COL4A6: variants seen among roughly 807,000 people sequenced by gnomAD.
The protein encoded by COL4A6 is collagen alpha-6(IV) chain.
COL4A6 carries 59 observed loss-of-function variants against 126.7 expected under a neutral mutation model. That is an observed-to-expected ratio of 0.47 (90% confidence interval 0.38 to 0.58). The LOEUF (loss-of-function observed/expected upper bound fraction) is 0.58, where lower values mean the gene tolerates loss of function less well. COL4A6 is among the 20% of genes least tolerant of loss of function. The pLI, the probability that COL4A6 is intolerant of heterozygous loss-of-function variation, is 0.00. For synonymous variants in COL4A6, 547 were observed against 496.6 expected (o/e 1.10, Z -1.35); for missense variants, 1,285 against 1,337.3 (o/e 0.96, Z 0.61).
intron 6 of COL4A6, 41 bp from the exon 7 acceptor site, chrX:108,211,781 T>C (rs749740035): frequency 1.8e-6 from 2 of 1,094,364 alleles, no homozygotes; most frequent in Non-Finnish European, 2.5e-6. Flanking sequence ...ATACACACAC[T>C]TACAGTCTTT....
chrX:108,320,484 T>C (rs751241038), intron 2 of COL4A6, among the ~76,000 whole-genome samples: 25 of 111,243 alleles, frequency 2.2e-4, no homozygotes, highest in African/African-American at 7.9e-4. Flanking sequence ...GACCATAGGA[T>C]CTAGGTTTCC....
chrX:108,394,203 C>T, intron 2 of COL4A6, among the ~76,000 whole-genome samples: 1 of 110,864 alleles, frequency 9.0e-6, no homozygotes, highest in Non-Finnish European at 1.9e-5. Context: ...CATGTTCTCG[C>T]TGATAAGCGG....
At chrX:108,326,752 T>A (rs1371621939) in intron 2 of COL4A6, among the ~76,000 whole-genome samples, 1 of 112,031 alleles carries the variant, frequency 8.9e-6, no homozygotes, top group Non-Finnish European at 1.9e-5. Context: ...AATAAACAAA[T>A]GATGAACTTT....
At chrX:108,232,557 C>A (rs763954756) in intron 3 of COL4A6, among the ~76,000 whole-genome samples, 1 of 111,884 alleles carries the variant, frequency 8.9e-6, no homozygotes, top group East Asian at 2.8e-4. Flanking sequence ...ACATTAAATA[C>A]TTAATTTGAG....
intron 3 of COL4A6, among the ~76,000 whole-genome samples, chrX:108,261,878 C>A (rs1008338119): frequency 2.7e-5 from 3 of 111,921 alleles, no homozygotes; most frequent in African/African-American, 9.7e-5. Context: ...TGGATTAATC[C>A]TCTGACACAA....
intron 3 of COL4A6, among the ~76,000 whole-genome samples, chrX:108,290,953 C>G (rs1296407218): frequency 8.9e-6 from 1 of 112,365 alleles, no homozygotes; most frequent in Non-Finnish European, 1.9e-5. Flanking sequence ...AAATCAGATA[C>G]GTCTTGAGTC....
At chrX:108,319,001 T>C (rs143322139) in intron 2 of COL4A6, among the ~76,000 whole-genome samples, 441 of 112,572 alleles carry the variant, frequency 3.9e-3, no homozygotes, top group African/African-American at 0.014. Flanking sequence ...CCAGACATAC[T>C]GGAAAACCTA....
At chrX:108,425,659 G>A (rs778861044) in intron 2 of COL4A6, among the ~76,000 whole-genome samples, 11 of 108,556 alleles carry the variant, frequency 1.0e-4, no homozygotes, top group Non-Finnish European at 1.5e-4. Flanking sequence ...GCTTGAACCC[G>A]AGAGGCAGAG....
At chrX:108,193,770 C>T in intron 16 of COL4A6, 73 bp from the exon 17 acceptor site, 1 of 871,700 alleles carries the variant, frequency 1.1e-6, no homozygotes, top group Non-Finnish European at 1.7e-6. Flanking sequence ...GCCATTAAAG[C>T]CCATCCCTAG....
intron 2 of COL4A6, among the ~76,000 whole-genome samples, chrX:108,427,288 G>A (rs2064103615): frequency 9.0e-6 from 1 of 111,587 alleles, no homozygotes; most frequent in Non-Finnish European, 1.9e-5. Context: ...CTTAGTGCTT[G>A]ACATAGTCCT....
intron 37 of COL4A6, among the ~76,000 whole-genome samples, 196 bp downstream of exon 37, chrX:108,169,299 A>G (rs1001069336): frequency 4.5e-4 from 50 of 112,071 alleles, no homozygotes; most frequent in African/African-American, 1.6e-3. Flanking sequence ...CTGTGCCCTG[A>G]CAGTCTTCAC....
intron 2 of COL4A6, among the ~76,000 whole-genome samples, chrX:108,413,961 G>A (rs944312591): frequency 1.8e-5 from 2 of 112,110 alleles, no homozygotes; most frequent in Non-Finnish European, 3.8e-5. Flanking sequence ...CAAAATGCAG[G>A]TTGAGGGTTA....
intron 3 of COL4A6, among the ~76,000 whole-genome samples, chrX:108,291,379 T>C (rs2038158087): frequency 8.9e-6 from 1 of 112,386 alleles, no homozygotes; most frequent in Non-Finnish European, 1.9e-5. Context: ...GTATAAATAC[T>C]TGTTTTCCAT....
At chrX:108,435,692 C>T (rs1317878683) in intron 2 of COL4A6, among the ~76,000 whole-genome samples, 2 of 111,577 alleles carry the variant, frequency 1.8e-5, no homozygotes, top group Non-Finnish European at 3.8e-5. Flanking sequence ...TTTAGTTTTC[C>T]TTTACTTTAT....
chrX:108,157,222 C>T lies in COL4A6; in HGVS notation c.4851G>A (p.Leu1617=), dbSNP rs1381906608. ...CCTCTAGGCAGGAGCCAGGTGAGAC[C>T]AGGGACTGGCCTCCACCCTCGGCAC... ...AAGAEGGGQS[L]VSPGSCLEDF... Residue 1617 remains leucine, a synonymous_variant, in exon 45 of 45, where the codon CTG becomes CTA. Transcript: ENST00000334504. 4 of 1,211,810 alleles carry T rather than the reference C, an allele frequency of 3.3e-6. No homozygotes were observed. The Middle Eastern group carries it at 6.9e-4, about 209-fold the overall frequency.
At chrX:108,195,518 C>T (rs57065219) in intron 14 of COL4A6, among the ~76,000 whole-genome samples, 5,545 of 112,200 alleles carry the variant, frequency 0.049, 192 homozygotes, top group African/African-American at 0.11. Context: ...GTCATCCACC[C>T]GCCTTGGCCT....
At chrX:108,365,641 G>C (rs1457699938) in intron 2 of COL4A6, among the ~76,000 whole-genome samples, 1 of 112,324 alleles carries the variant, frequency 8.9e-6, no homozygotes, top group Non-Finnish European at 1.9e-5. Flanking sequence ...GTCCAGAGAA[G>C]GGAGAAGCGA....
rs754419224 is a variant in COL4A6 at position 108,292,512 on chromosome X, G to A, written c.144+18236C>T. ...AAGAGTGAAAGGGTCATCTTCTCCC[G>A]CTTGTTGCATTTTCTCTTCTAGATG... is the stretch of plus-strand genomic sequence containing the variant. On this transcript the variant is annotated intron_variant, in intron 3 of 44. Transcript: ENST00000334504. Among the ~76,000 whole-genome samples, 15 of 111,607 alleles carry A rather than the reference G, an allele frequency of 1.3e-4. No individual in the cohort carries two copies. The South Asian group carries it at 2.3e-3, about 17-fold the overall frequency.
At position 108,292,008 on chromosome X, in the gene COL4A6, C is replaced by A. The variant is rs764403528; in HGVS notation, c.144+18740G>T. On this transcript the variant is annotated intron_variant, in intron 3 of 44. Coordinates refer to ENST00000334504, the MANE Select transcript of COL4A6 (RefSeq NM_033641.4). Reference sequence around the variant, plus strand: ...TCACTGTATAGAATATATCTATGCCCAATATAAGGCATACAACTTAATTTT... The same window carrying A: ...TCACTGTATAGAATATATCTATGCCAAATATAAGGCATACAACTTAATTTT... Among the ~76,000 whole-genome samples, 4 of 111,352 alleles carry A rather than the reference C, an allele frequency of 3.6e-5. No individual in the cohort carries two copies. In the South Asian group the frequency reaches 1.5e-3, roughly 42 times the overall value.
Sources: gnomAD v4.1 joint callset for allele counts (sites outside exome capture counted in the v4.1 genomes callset) on GRCh38, gnomAD v4.1.1 for gene constraint, MANE v1.5 for transcripts, NCBI Gene and HGNC (gene_info 2026-07-23, HGNC 2026-07-21) for gene names.